Variants in LCLAT1 observed in about 807,000 individuals in gnomAD.
The protein encoded by LCLAT1 is lysocardiolipin acyltransferase 1.
In LCLAT1, 11 loss-of-function variants were observed where a neutral mutation model predicts 30.7. That is an observed-to-expected ratio of 0.36 (90% CI 0.23 to 0.59). The LOEUF (loss-of-function observed/expected upper bound fraction) is 0.59, where lower values mean the gene tolerates loss of function less well. Among genes scored for constraint, LCLAT1 ranks in the 20% least tolerant of loss-of-function variants. The pLI, the probability that LCLAT1 is intolerant of heterozygous loss-of-function variation, is 0.77. For synonymous variants in LCLAT1, 155 were observed against 151.3 expected, an observed-to-expected ratio of 1.02 and a Z score of -0.18; for missense variants, 402 against 458.6, an observed-to-expected ratio of 0.88 and a Z score of 1.13.
chr2:30,510,108 C>T (rs1378592937), intron 1 of LCLAT1, among the ~76,000 whole-genome samples: 5 of 152,080 alleles, frequency 3.3e-5, no homozygotes, highest in Admixed American at 6.5e-5. Flanking sequence ...GAATTTGGAC[C>T]GAATGCCTTC....
At chr2:30,546,869 A>T (rs1357877968) in intron 3 of LCLAT1, among the ~76,000 whole-genome samples, 5 of 152,104 alleles carry the variant, frequency 3.3e-5, no homozygotes, top group African/African-American at 1.2e-4. Flanking sequence ...TTTTAATTCA[A>T]CACAATTTCA....
At chr2:30,633,209 T>G (rs756721406) in intron 5 of LCLAT1, among the ~76,000 whole-genome samples, 7 of 152,148 alleles carry the variant, frequency 4.6e-5, no homozygotes, top group Non-Finnish European at 1.0e-4. Context: ...TCTTTTTAAT[T>G]TGAAAAACAA....
chr2:30,452,873 T>C (rs13419683), intron 1 of LCLAT1, among the ~76,000 whole-genome samples: 56,617 of 151,780 alleles, frequency 0.37, 11,790 homozygotes, highest in Non-Finnish European at 0.48. Context: ...CCTTGTCCTC[T>C]GCTTGTGGCA....
chr2:30,499,704 A>G (rs1253635593), intron 1 of LCLAT1, among the ~76,000 whole-genome samples: 1 of 152,198 alleles, frequency 6.6e-6, no homozygotes, highest in Non-Finnish European at 1.5e-5. Context: ...TGTTCTGAAA[A>G]TAGTCTCTTT....
chr2:30,547,206 G>T (rs1664465121), intron 3 of LCLAT1, among the ~76,000 whole-genome samples: 2 of 152,080 alleles, frequency 1.3e-5, no homozygotes, highest in Non-Finnish European at 2.9e-5. Context: ...TTCAAAGGGG[G>T]CTTCTAGTCA....
At chr2:30,592,352 T>A (rs1219139399) in intron 5 of LCLAT1, among the ~76,000 whole-genome samples, 1 of 152,170 alleles carries the variant, frequency 6.6e-6, no homozygotes, top group African/African-American at 2.4e-5. Context: ...TGGTGGCACA[T>A]GCCTGTAATC....
chr2:30,468,736 T>G (rs1483246716), intron 1 of LCLAT1, among the ~76,000 whole-genome samples: 1 of 152,246 alleles, frequency 6.6e-6, no homozygotes, highest in Non-Finnish European at 1.5e-5. Flanking sequence ...TTCATTTCTA[T>G]GGATTTGCCT....
At chr2:30,600,733 T>G (rs1667142724) in intron 5 of LCLAT1, among the ~76,000 whole-genome samples, 3 of 152,252 alleles carry the variant, frequency 2.0e-5, no homozygotes, top group Middle Eastern at 6.8e-3. Flanking sequence ...ATTTTGACCT[T>G]TGAGAATCTG....
chr2:30,562,407 A>G (rs1056835570), intron 4 of LCLAT1, 115 bp downstream of exon 4: 4 of 763,690 alleles, frequency 5.2e-6, no homozygotes, highest in Middle Eastern at 4.9e-4. Flanking sequence ...GTGGTGGTCC[A>G]TCCCTGGAAT....
At chr2:30,530,393 A>G (rs1354864591) in intron 2 of LCLAT1, among the ~76,000 whole-genome samples, 1 of 152,194 alleles carries the variant, frequency 6.6e-6, no homozygotes, top group African/African-American at 2.4e-5. Context: ...TTGACTGGAT[A>G]TGTCTCATCT....
intron 3 of LCLAT1, among the ~76,000 whole-genome samples, chr2:30,551,438 T>G (rs1664673319): frequency 6.6e-6 from 1 of 152,202 alleles, no homozygotes; most frequent in Non-Finnish European, 1.5e-5. Context: ...ATCCCTAGAC[T>G]CAGCATTTCG....
At chr2:30,605,226 A>G (rs1431836315) in intron 5 of LCLAT1, among the ~76,000 whole-genome samples, 1 of 152,248 alleles carries the variant, frequency 6.6e-6, no homozygotes, top group Admixed American at 6.5e-5. Context: ...GTGTTTGCAC[A>G]CAGCCGTATT....
intron 1 of LCLAT1, chr2:30,476,408 C>G (rs143460960): frequency 2.2e-6 from 1 of 456,622 alleles, no homozygotes; most frequent in Admixed American, 2.3e-5. Context: ...ACAGCCACTC[C>G]ACATCACTTG....
chr2:30,471,634 A>T (rs939994748), intron 1 of LCLAT1, among the ~76,000 whole-genome samples: 10 of 152,110 alleles, frequency 6.6e-5, no homozygotes, highest in Non-Finnish European at 1.3e-4. Context: ...TCCTAGGTTT[A>T]TTCTTTTGAT....
At chr2:30,510,670 C>G (rs1684898210) in intron 1 of LCLAT1, among the ~76,000 whole-genome samples, 1 of 152,152 alleles carries the variant, frequency 6.6e-6, no homozygotes, top group Admixed American at 6.5e-5. Flanking sequence ...TTCCCCCTCT[C>G]CAATTTCTCA....
intron 5 of LCLAT1, among the ~76,000 whole-genome samples, chr2:30,635,245 AAT>A (rs34490305): frequency 3.4e-5 from 5 of 148,222 alleles, no homozygotes; most frequent in Non-Finnish European, 6.0e-5. Flanking sequence ...TATATACACA[AAT>A]ATATATATAT....
intron 5 of LCLAT1, among the ~76,000 whole-genome samples, chr2:30,636,492 G>C (rs530514117): frequency 1.3e-5 from 2 of 152,252 alleles, no homozygotes; most frequent in African/African-American, 4.8e-5. Context: ...AAGCCACAGA[G>C]ATATTGAGTA....
intron 5 of LCLAT1, among the ~76,000 whole-genome samples, chr2:30,599,043 CG>C (rs1329503058): frequency 2.6e-5 from 4 of 151,132 alleles, no homozygotes; most frequent in African/African-American, 7.3e-5. Context: ...AGTGCAGTGG[CG>C]TGATCTCGGC....
chr2:30,619,086 T>A (rs540039245), intron 5 of LCLAT1, among the ~76,000 whole-genome samples: 7 of 152,308 alleles, frequency 4.6e-5, no homozygotes, highest in African/African-American at 1.7e-4. Context: ...ATGACTTGGG[T>A]AATTTTTCAA....
Sources: allele counts gnomAD v4.1 joint callset (sites outside exome capture counted in the v4.1 genomes callset), GRCh38; gene constraint gnomAD v4.1.1; transcripts MANE v1.5; gene names NCBI Gene and HGNC (gene_info 2026-07-23, HGNC 2026-07-21).